C7: variants seen among roughly 807,000 people sequenced by gnomAD.
The protein encoded by C7 is complement component C7.
Under a neutral mutation model 104.8 loss-of-function variants are expected in C7, and 83 were observed. The observed-to-expected ratio is 0.79, with a 90% CI of 0.66 to 0.95. The LOEUF (loss-of-function observed/expected upper bound fraction) is 0.95. Among genes scored for constraint, C7 ranks in the 40% least tolerant of loss-of-function variants. C7 has a pLI of 0.00. For synonymous variants in C7, 415 were observed against 360.6 expected (o/e 1.15, Z -1.71); for missense variants, 1,070 against 1,011.2 (o/e 1.06, Z -0.79).
At chr5:40,936,317 G>T (rs112922806) in intron 4 of C7, 21 bp from the exon 5 acceptor site, 2 of 1,611,914 alleles carry the variant, frequency 1.2e-6, no homozygotes, top group Admixed American at 1.7e-5. Context: ...ACATTTGCAC[G>T]TGGATTTCTC....
chr5:40,930,361 A>G (rs1739655872), intron 2 of C7, among the ~76,000 whole-genome samples: 1 of 150,268 alleles, frequency 6.7e-6, no homozygotes, highest in Non-Finnish European at 1.5e-5. Flanking sequence ...ATGCACCACC[A>G]CGCCTGGCTA....
intron 8 of C7, among the ~76,000 whole-genome samples, chr5:40,949,613 C>T (rs371245993): frequency 1.3e-5 from 2 of 152,194 alleles, no homozygotes; most frequent in South Asian, 2.1e-4. Flanking sequence ...AAGAAGCTGA[C>T]TGTAAATGGG....
chr5:40,972,374 C>T (rs915644259), intron 14 of C7, 29 bp from the exon 15 acceptor site: 23 of 1,588,412 alleles, frequency 1.4e-5, no homozygotes, highest in Middle Eastern at 1.7e-4. Context: ...GAGCAACGAC[C>T]CTTATATTTT....
At chr5:40,928,202 A>G (rs1483994135) in intron 1 of C7, among the ~76,000 whole-genome samples, 1 of 152,176 alleles carries the variant, frequency 6.6e-6, no homozygotes, top group African/African-American at 2.4e-5. Context: ...GATGTAAAAC[A>G]ATCGAACTTG....
Position 40,936,180 on chromosome 5 carries a change from C to T in C7, c.281-158C>T, listed in dbSNP as rs115766928. On this transcript the variant is annotated intron_variant, in intron 4 of 17. Coordinates refer to ENST00000313164, the MANE Select transcript of C7 (RefSeq NM_000587.4). ...TGTGCCATAAAATGGAGACAAAATA[C>T]TCACTAGTCCTTTCCGAGACACTCT... Among the ~76,000 whole-genome samples, 1,471 of 152,276 alleles carry T rather than the reference C, an allele frequency of 9.7e-3. 25 individuals carry two copies. The highest frequency in any genetic ancestry group is 0.034 in the African/African-American group (1,418 of 41,556).
At chr5:40,938,342 T>G (rs1478036412) in intron 6 of C7, among the ~76,000 whole-genome samples, 1 of 152,200 alleles carries the variant, frequency 6.6e-6, no homozygotes, top group Non-Finnish European at 1.5e-5. Context: ...GCCTATTTTT[T>G]CCATTTGTAT....
intron 14 of C7, among the ~76,000 whole-genome samples, chr5:40,969,269 G>C (rs1001812963): frequency 2.4e-4 from 37 of 151,890 alleles, no homozygotes; most frequent in Admixed American, 4.6e-4. Flanking sequence ...TATGTTTACT[G>C]TTTTATATTT....
rs185207607 is a variant in C7, at chr5:40,915,552, G to A, written c.6+5936G>A. 7.4e-3 allele frequency among the ~76,000 whole-genome samples: 1,131 copies of A among 152,248 alleles called. 18 individuals are homozygous for A. The highest frequency in any genetic ancestry group is 0.026 in the African/African-American group (1,086 of 41,526). On this transcript the variant is annotated intron_variant, in intron 1 of 17. Transcript: ENST00000313164. ...AAGACAAAATGAGCTGACACAGCAC[G>A]GAGGAAAGCCACATTATTGGAAAAG... is the stretch of plus-strand genomic sequence containing the variant.
chr5:40,953,503 T>C (rs1740221409), intron 9 of C7, among the ~76,000 whole-genome samples: 3 of 152,048 alleles, frequency 2.0e-5, no homozygotes, highest in African/African-American at 7.2e-5. Context: ...TAGCTGGGTG[T>C]GGTGGCGCAC....
Position 40,952,415 on chromosome 5 carries a change from TG to T in C7, c.1093+2405del, listed in dbSNP as rs1740189699. Reference sequence around the variant, plus strand: ...GAGTTAGCTGGAACAGAGAGCTCACTGGGGTATGGAAAGGGAGGCTAAAGCC... The same window carrying T: ...GAGTTAGCTGGAACAGAGAGCTCACTGGGTATGGAAAGGGAGGCTAAAGCC... On this transcript the variant is annotated intron_variant, in intron 9 of 17. Coordinates refer to ENST00000313164, the MANE Select transcript of C7 (RefSeq NM_000587.4). 2.0e-5 allele frequency among the ~76,000 whole-genome samples: 3 copies of T among 152,170 alleles called. No homozygotes were observed. The South Asian group carries it at 6.2e-4, about 31-fold the overall frequency.
At position 40,982,861 on chromosome 5, in the gene C7, G is replaced by T. The variant is rs1306854114; in HGVS notation, c.*1288G>T. 6.6e-6 allele frequency: 1 copy of T among 152,444 alleles called. No homozygotes were observed. The highest frequency in any genetic ancestry group is 2.1e-4 in the South Asian group (1 of 4,824). 9.4% of individuals were successfully genotyped at this position (152,444 alleles called of 1,614,324 possible). A position where few individuals can be genotyped will look rare whatever the true frequency, so the allele number is the denominator to read the frequency against. ...ATTATACAAATACTATCTCTGTATT[G>T]TTCTGACCCTGGTAAATATATTTCA... On this transcript the variant is annotated 3_prime_UTR_variant, in exon 18 of 18. Coordinates refer to ENST00000313164, the MANE Select transcript of C7 (RefSeq NM_000587.4).
chr5:40,928,425 A>G (rs1359454222), intron 1 of C7, among the ~76,000 whole-genome samples, 155 bp from the exon 2 acceptor site: 4 of 152,194 alleles, frequency 2.6e-5, no homozygotes, highest in African/African-American at 9.6e-5. Flanking sequence ...TAGGTGATAG[A>G]TATGTTAACT....
Position 40,958,873 on chromosome 5 carries a change from A to T in C7, c.1490-576A>T, listed in dbSNP as rs1579864449. 4.6e-5 allele frequency among the ~76,000 whole-genome samples: 7 copies of T among 152,256 alleles called. 1 individual carries two copies. In the Middle Eastern group the frequency reaches 0.024, roughly 518 times the overall value. The stretch of plus-strand genomic sequence containing the variant: ...TCAGGGCTGTTTGATTCCTTTCTTT[A>T]TTCCCAGAGCTTGACAAAAGGCTTG... On this transcript the variant is annotated intron_variant, in intron 11 of 17. Transcript: ENST00000313164.
chr5:40,969,893 A>G (rs1291993702), intron 14 of C7, among the ~76,000 whole-genome samples: 1 of 151,958 alleles, frequency 6.6e-6, no homozygotes, highest in South Asian at 2.1e-4. Context: ...CTGCCTTGTT[A>G]GTGCTCTGAT....
chr5:40,976,721 A>C, intron 15 of C7, 29 bp from the exon 16 acceptor site: 3 of 1,519,328 alleles, frequency 2.0e-6, no homozygotes, highest in Non-Finnish European at 2.7e-6. Flanking sequence ...TTTTCTCCTA[A>C]CGACCACATC....
At chr5:40,916,665 C>T (rs540261858) in intron 1 of C7, among the ~76,000 whole-genome samples, 36 of 151,930 alleles carry the variant, frequency 2.4e-4, no homozygotes, top group Non-Finnish European at 1.9e-4. Flanking sequence ...GAGAATTCAG[C>T]GGTAGGAGAT....
chr5:40,973,020 A>G (rs932958161), intron 15 of C7, among the ~76,000 whole-genome samples: 4 of 152,164 alleles, frequency 2.6e-5, no homozygotes, highest in African/African-American at 9.7e-5. Flanking sequence ...CAAAGAGTTT[A>G]TCAGTATTTC....
In C7 at chr5:40,978,140, GAAAA is replaced by G. The variant is rs869311131; in HGVS notation, c.2165+1317_2165+1320del. On this transcript the variant is annotated intron_variant, in intron 16 of 17. Coordinates refer to ENST00000313164, the MANE Select transcript of C7 (RefSeq NM_000587.4). The stretch of plus-strand genomic sequence containing the variant: ...ACAGAGCCAGACCCTATCTCAAAAA[GAAAA>G]AAAAAAAAAAAAAAAAGAACCAAAA... 1.3e-3 allele frequency among the ~76,000 whole-genome samples: 139 copies of G among 107,646 alleles called. 1 individual carries two copies. The highest frequency in any genetic ancestry group is 4.5e-3 in the African/African-American group (124 of 27,434). The allele number at this position is 107,646 out of a possible 152,430, so 70.6% of individuals were successfully genotyped here. A position where few individuals can be genotyped will look rare whatever the true frequency, so the allele number is the denominator to read the frequency against.
At chr5:40,941,166 C>T (rs529498952) in intron 6 of C7, among the ~76,000 whole-genome samples, 1 of 151,314 alleles carries the variant, frequency 6.6e-6, no homozygotes, top group Non-Finnish European at 1.5e-5. Flanking sequence ...TGTGTTCAAG[C>T]GATTCTCATG....
Sources: allele counts gnomAD v4.1 joint callset (sites outside exome capture counted in the v4.1 genomes callset), GRCh38; gene constraint gnomAD v4.1.1; transcripts MANE v1.5; gene names NCBI Gene and HGNC (gene_info 2026-07-23, HGNC 2026-07-21).